RGS10: variants seen among roughly 807,000 people sequenced by gnomAD.
The protein encoded by RGS10 is regulator of G-protein signalling 10.
A neutral mutation model predicts 23.5 loss-of-function variants in RGS10; 11 were observed. That is an observed-to-expected ratio of 0.47 (90% CI 0.29 to 0.77). The LOEUF (loss-of-function observed/expected upper bound fraction) is 0.77. Among genes scored for constraint, RGS10 ranks in the 30% least tolerant of loss-of-function variants. The pLI is 0.08. For missense variants in RGS10, 180 were observed against 226.3 expected (o/e 0.80, Z 1.31); for synonymous variants, 77 against 83.2 (o/e 0.92, Z 0.41).
intron 1 of RGS10, among the ~76,000 whole-genome samples, chr10:119,528,593 T>C (rs1844302984): frequency 6.6e-6 from 1 of 152,082 alleles, no homozygotes; most frequent in Admixed American, 6.6e-5. Context: ...GTGCAGTGGC[T>C]CACACTTGTA....
At position 119,527,410 on chromosome 10, in the gene RGS10, C is replaced by T. The variant is rs765617830; in HGVS notation, c.64G>A (p.Asp22Asn). The stretch of plus-strand genomic sequence containing the variant: ...TGGTGGCTGCTGCTGGAACTGCCAT[C>T]GCTGTCGTGGATGTCTGCAAAGCAA... ...KRPPSDIHDS[D>N]GSSSSSHQSL... The change falls in exon 2 of 5, where the codon GAT becomes AAT. Residue 22 changes from aspartate to asparagine, a missense_variant. By Grantham distance (23) the Asp-to-Asn change is conservative. Transcript: ENST00000369103. This position sits in a 1 kb window ranked among gnomAD's most constrained non-coding sequence, Gnocchi z 4.2. The T allele has an allele frequency of 1.0e-4, 165 of 1,614,128 alleles. 1 individual carries two copies. Among genetic ancestry groups the T allele is most frequent in the East Asian group, 8.0e-4 (36 of 44,888 alleles).
intron 4 of RGS10, among the ~76,000 whole-genome samples, chr10:119,512,554 A>AAT (rs397709243): frequency 2.1e-4 from 31 of 146,532 alleles, no homozygotes; most frequent in East Asian, 8.0e-4. Context: ...ATTAAAAAAA[A>AAT]TTTTTTTTTT....
At chr10:119,532,480 C>G (rs971071104) in intron 1 of RGS10, among the ~76,000 whole-genome samples, 8 of 152,094 alleles carry the variant, frequency 5.3e-5, no homozygotes, top group African/African-American at 1.9e-4. Flanking sequence ...TTTGGGAGGC[C>G]AAGGCAGGCA....
At chr10:119,521,869 G>T (rs1050521065) in intron 3 of RGS10, among the ~76,000 whole-genome samples, 7 of 152,134 alleles carry the variant, frequency 4.6e-5, no homozygotes, top group Admixed American at 3.9e-4. Context: ...TAGGAGAGTA[G>T]GGAAAAAAAT....
chr10:119,513,107 C>A (rs1001892314), intron 4 of RGS10, among the ~76,000 whole-genome samples: 6 of 152,096 alleles, frequency 3.9e-5, no homozygotes, highest in African/African-American at 1.2e-4. Context: ...TTTTGTTTCC[C>A]AAGTTTCTTT....
chr10:119,514,084 G>A (rs1330923423), intron 4 of RGS10, among the ~76,000 whole-genome samples: 1 of 152,204 alleles, frequency 6.6e-6, no homozygotes, highest in African/African-American at 2.4e-5. Flanking sequence ...GGCCAGGCGT[G>A]GTGGCTCACG....
intron 3 of RGS10, among the ~76,000 whole-genome samples, chr10:119,520,809 C>CAAAAAAAAA (rs58487462): frequency 7.9e-6 from 1 of 126,092 alleles, no homozygotes; most frequent in Non-Finnish European, 1.7e-5. Flanking sequence ...TCTCCAAAAG[C>CAAAAAAAAA]AAAAAAAAAA....
At chr10:119,510,794 C>T (rs777754057) in intron 4 of RGS10, among the ~76,000 whole-genome samples, 25 of 152,210 alleles carry the variant, frequency 1.6e-4, no homozygotes, top group Non-Finnish European at 3.7e-4. Context: ...TCTCGGCTCA[C>T]TGCAACCTCT....
intron 4 of RGS10, among the ~76,000 whole-genome samples, chr10:119,504,002 C>T (rs1843982463): frequency 6.6e-6 from 1 of 152,236 alleles, no homozygotes; most frequent in African/African-American, 2.4e-5. Context: ...GAAGGCCAGC[C>T]CTGGCAGGCT....
intron 4 of RGS10, among the ~76,000 whole-genome samples, chr10:119,512,196 CCA>C (rs1244027484): frequency 4.5e-4 from 68 of 152,286 alleles, no homozygotes; most frequent in Middle Eastern, 3.4e-3. Context: ...CTCTGCGGCT[CCA>C]CCATGAAGCC....
chr10:119,529,303 A>C (rs1319607504), intron 1 of RGS10, among the ~76,000 whole-genome samples: 3 of 152,142 alleles, frequency 2.0e-5, no homozygotes. Context: ...AAATAAAAAA[A>C]AGTAGCTGGG....
chr10:119,504,785 C>T (rs114604131), intron 4 of RGS10, among the ~76,000 whole-genome samples: 2 of 152,040 alleles, frequency 1.3e-5, no homozygotes, highest in Middle Eastern at 3.2e-3. Flanking sequence ...TAAGGAGTGC[C>T]GGCAGCCACC....
chr10:119,507,152 G>A (rs1844023282), intron 4 of RGS10, among the ~76,000 whole-genome samples: 1 of 152,112 alleles, frequency 6.6e-6, no homozygotes, highest in African/African-American at 2.4e-5. Context: ...CTTTCTAGCG[G>A]AGCATGCTGG....
Position 119,500,251 on chromosome 10 carries a change from A to T in RGS10, c.408T>A (p.Asn136Lys). ...MFQKLQDQIF[N>K]LMKYDSYSRF... Reference sequence around the variant, plus strand: ...GGCTGTAGCTGTCGTACTTCATGAGATTAAAGATCTAAGGAGGAAAAGAAA... The same window carrying T: ...GGCTGTAGCTGTCGTACTTCATGAGTTTAAAGATCTAAGGAGGAAAAGAAA... Residue 136 changes from asparagine to lysine, a missense_variant, in exon 5 of 5, where the codon AAT becomes AAA. Coordinates refer to ENST00000369103, the MANE Select transcript of RGS10 (RefSeq NM_001005339.2). The T allele has an allele frequency of 6.2e-7, 1 of 1,609,810 alleles. No individual in the cohort carries two copies. Among genetic ancestry groups the T allele is most frequent in the Non-Finnish European group, 8.5e-7 (1 of 1,179,030 alleles).
intron 1 of RGS10, among the ~76,000 whole-genome samples, chr10:119,537,961 C>A (rs1033151691): frequency 6.6e-6 from 1 of 152,188 alleles, no homozygotes; most frequent in Admixed American, 6.6e-5. Flanking sequence ...TCCCCAGGAG[C>A]GACAACCTCT....
At chr10:119,502,953 T>C (rs936156659) in intron 4 of RGS10, among the ~76,000 whole-genome samples, 8 of 152,116 alleles carry the variant, frequency 5.3e-5, no homozygotes, top group Non-Finnish European at 1.2e-4. Flanking sequence ...GGAAGCCTGA[T>C]TGCTTTACAT....
At chr10:119,539,055 T>C (rs76021313) in intron 1 of RGS10, among the ~76,000 whole-genome samples, 1,594 of 152,140 alleles carry the variant, frequency 0.01, 44 homozygotes, top group East Asian at 0.065. Context: ...CGTGAGCACC[T>C]CACACCCACC....
intron 2 of RGS10, 39 bp from the exon 3 acceptor site, chr10:119,526,157 T>C: frequency 1.8e-6 from 2 of 1,102,168 alleles, no homozygotes; most frequent in South Asian, 1.6e-5. Flanking sequence ...AGTATTCTAC[T>C]TTAAAAAAAA....
At chr10:119,506,091 C>T (rs369642408) in intron 4 of RGS10, among the ~76,000 whole-genome samples, 7 of 152,346 alleles carry the variant, frequency 4.6e-5, no homozygotes, top group African/African-American at 4.8e-5. Flanking sequence ...TTTGTACCCA[C>T]GCGAGGAGAC....
Sources: allele counts gnomAD v4.1 joint callset (sites outside exome capture counted in the v4.1 genomes callset), GRCh38; gene constraint gnomAD v4.1.1; non-coding constraint Gnocchi (gnomAD v3.1); transcripts MANE v1.5; gene names NCBI Gene and HGNC (gene_info 2026-07-23, HGNC 2026-07-21).